The following FGF5 variants were observed in gnomAD, a reference collection of about 807,000 sequenced individuals.
FGF5 encodes the protein fibroblast growth factor 5.
Under a neutral mutation model 21.8 loss-of-function variants are expected in FGF5, and 23 were observed. That is an observed-to-expected ratio of 1.05 (90% confidence interval 0.76 to 1.49). The LOEUF (loss-of-function observed/expected upper bound fraction) is 1.49, where lower values mean the gene tolerates loss of function less well. FGF5 is among the 40% of genes most tolerant of loss of function. The pLI, the probability that FGF5 is intolerant of heterozygous loss-of-function variation, is 0.00. For synonymous variants in FGF5, 158 were observed against 124.0 expected (o/e 1.27, Z -1.82); for missense variants, 352 against 332.9 (o/e 1.06, Z -0.45).
In FGF5 at chr4:80,286,726, G is replaced by C; in HGVS notation, c.*54G>C. On this transcript the variant is annotated 3_prime_UTR_variant, in exon 3 of 3. Transcript: ENST00000312465. The stretch of plus-strand genomic sequence containing the variant: ...TCTTTCCCCTCAGGAGTTTCTATAG[G>C]TGTCTTCAGAGTTCTGAAGAAAAAT... 1 of 1,425,974 alleles carries C rather than the reference G, an allele frequency of 7.0e-7. No individual in the cohort carries two copies. 88.3% of individuals were successfully genotyped at this position (1,425,974 alleles called of 1,614,324 possible).
Position 80,266,807 on chromosome 4 carries a change from A to AC in FGF5, c.-13dup. 1 of 1,557,556 alleles carries AC rather than the reference A, an allele frequency of 6.4e-7. No individual in the cohort carries two copies. Among genetic ancestry groups the AC allele is most frequent in the Non-Finnish European group, 8.7e-7 (1 of 1,153,744 alleles). On this transcript the variant is annotated 5_prime_UTR_variant, in exon 1 of 3. Transcript: ENST00000312465. ...ATCAGCCCTACAAGATGCACTTAGGACCCCCGCGGCTGGAAGAATGAGCTT... is the reference window on the plus strand; with the variant it reads ...ATCAGCCCTACAAGATGCACTTAGGACCCCCCGCGGCTGGAAGAATGAGCTT...
chr4:80,277,305 A>G (rs1028147397), intron 2 of FGF5, among the ~76,000 whole-genome samples: 2 of 152,166 alleles, frequency 1.3e-5, no homozygotes, highest in Non-Finnish European at 2.9e-5. Flanking sequence ...CTTTGATATA[A>G]AAGTCATTCT....
At chr4:80,285,881 G>C (rs893799692) in intron 2 of FGF5, among the ~76,000 whole-genome samples, 3 of 152,016 alleles carry the variant, frequency 2.0e-5, no homozygotes, top group Non-Finnish European at 4.4e-5. Flanking sequence ...GAATAATTTT[G>C]ACCTCATTTC....
intron 1 of FGF5, among the ~76,000 whole-genome samples, chr4:80,267,676 TTGTATA>T (rs1037088326): frequency 1.3e-5 from 2 of 151,416 alleles, no homozygotes; most frequent in Non-Finnish European, 2.9e-5. Context: ...CAAATTAATA[TTGTATA>T]TGTATATGTA....
intron 2 of FGF5, among the ~76,000 whole-genome samples, chr4:80,284,328 G>T (rs1720647981): frequency 6.6e-6 from 1 of 152,186 alleles, no homozygotes; most frequent in Non-Finnish European, 1.5e-5. Context: ...CAGCTACTCA[G>T]GAGGCTGAAG....
chr4:80,285,346 C>T (rs1360713641), intron 2 of FGF5, among the ~76,000 whole-genome samples: 1 of 152,200 alleles, frequency 6.6e-6, no homozygotes, highest in African/African-American at 2.4e-5. Context: ...TTGAAAGTGT[C>T]ATGTTGACCT....
chr4:80,290,941 T>G lies in FGF5; in HGVS notation c.*4269T>G, dbSNP rs1322874777. ...ATTTTCTTAATCCAGTCTATCATTG[T>G]TGGACATTTGGGTTGGTTCCAAGTC... On this transcript the variant is annotated 3_prime_UTR_variant, in exon 3 of 3. Transcript: ENST00000312465. 6.6e-6 allele frequency: 1 copy of G among 152,176 alleles called. No individual in the cohort carries two copies. The highest frequency in any genetic ancestry group is 1.5e-5 in the Non-Finnish European group (1 of 68,016). 9.4% of individuals were successfully genotyped at this position (152,176 alleles called of 1,614,324 possible).
In FGF5 at chr4:80,287,597, G is replaced by A. The variant is rs1415405917; in HGVS notation, c.*925G>A. 1 of 152,108 alleles carries A rather than the reference G, an allele frequency of 6.6e-6. No individual in the cohort carries two copies. The highest frequency in any genetic ancestry group is 1.5e-5 in the Non-Finnish European group (1 of 68,034). The allele number at this position is 152,108 out of a possible 1,614,324, so 9.4% of individuals were successfully genotyped here. A position where few individuals can be genotyped will look rare whatever the true frequency, so the allele number is the denominator to read the frequency against. ...TCCCCCTTGCCCTCATTCTTGAACA[G>A]CTGGAGGAATACATTTTATTCTGTC... is the stretch of plus-strand genomic sequence containing the variant. On this transcript the variant is annotated 3_prime_UTR_variant, in exon 3 of 3. Transcript: ENST00000312465.
At chr4:80,276,688 C>T (rs1278544705) in intron 2 of FGF5, among the ~76,000 whole-genome samples, 1 of 150,282 alleles carries the variant, frequency 6.7e-6, no homozygotes, top group African/African-American at 2.4e-5. Flanking sequence ...GTATCATTCT[C>T]AGGGCATTTA....
chr4:80,268,309 G>A (rs762453238), intron 1 of FGF5: 14 of 204,524 alleles, frequency 6.8e-5, no homozygotes, highest in South Asian at 3.4e-4. Context: ...TGGTCCACCA[G>A]GCAGAGCCCC....
rs1215715192 is a variant in FGF5 at position 80,282,183 on chromosome 4, A to G, written c.460-4142A>G. ...CACCATGTTGGTCAGGCTGGTCTCG[A>G]ACTCCTGACCTCAAAAGATCCACCC... On this transcript the variant is annotated intron_variant, in intron 2 of 2. Coordinates refer to ENST00000312465, the MANE Select transcript of FGF5 (RefSeq NM_004464.4). 5.9e-5 allele frequency among the ~76,000 whole-genome samples: 9 copies of G among 152,182 alleles called. No individual in the cohort carries two copies. In the East Asian group the frequency reaches 1.7e-3, roughly 29 times the overall value.
Position 80,286,583 on chromosome 4 carries a change from C to T in FGF5, c.718C>T (p.Pro240Ser), listed in dbSNP as rs141185778. ...TVTVPEKKKP[P>S]SPIKPKIPLS... ...TACTGTTCCTGAAAAGAAAAAGCCA[C>T]CTAGCCCTATCAAGCCAAAGATTCC... is the stretch of plus-strand genomic sequence containing the variant. The change falls in exon 3 of 3, where the codon CCT (proline) becomes TCT (serine). Residue 240 changes from proline (P) to serine (S), a missense_variant. Physicochemically the swap from Pro to Ser is moderately conservative, Grantham distance 74. Coordinates refer to ENST00000312465, the MANE Select transcript of FGF5 (RefSeq NM_004464.4). The T allele has an allele frequency of 1.5e-5, 25 of 1,614,032 alleles. No individual in the cohort carries two copies. In the African/African-American group the frequency reaches 3.1e-4, roughly 20 times the overall value.
In FGF5 at chr4:80,289,889, TTC is replaced by T. The variant is rs1359868621; in HGVS notation, c.*3219_*3220del. Reference sequence around the variant, plus strand: ...ACATATATAAAACTAAGGCTTTTATTTCTGTTATTTTTAAGCTTTTATTTCTT... The same window carrying T: ...ACATATATAAAACTAAGGCTTTTATTTGTTATTTTTAAGCTTTTATTTCTT... On this transcript the variant is annotated 3_prime_UTR_variant, in exon 3 of 3. Coordinates refer to ENST00000312465, the MANE Select transcript of FGF5 (RefSeq NM_004464.4). The T allele has an allele frequency of 3.3e-5, 5 of 152,166 alleles. No individual in the cohort carries two copies. Among genetic ancestry groups the T allele is most frequent in the African/African-American group, 9.6e-5 (4 of 41,456 alleles). 9.4% of individuals were successfully genotyped at this position (152,166 alleles called of 1,614,324 possible). A position where few individuals can be genotyped will look rare whatever the true frequency, so the allele number is the denominator to read the frequency against.
chr4:80,282,817 CA>C (rs1190986334), intron 2 of FGF5, among the ~76,000 whole-genome samples: 2 of 151,592 alleles, frequency 1.3e-5, no homozygotes, highest in African/African-American at 4.9e-5. Flanking sequence ...GGAGTTCTAT[CA>C]TTTTAAAAGT....
rs1478248109 is a variant in FGF5, at chr4:80,287,409, TG to T, written c.*739del. ...GACATTATGTGGAATCCTAAACCTT[TG>T]GTGGCTGGGATATGATGGGTTAGAA... On this transcript the variant is annotated 3_prime_UTR_variant, in exon 3 of 3. Coordinates refer to ENST00000312465, the MANE Select transcript of FGF5 (RefSeq NM_004464.4). 6.6e-6 allele frequency: 1 copy of T among 152,194 alleles called. No homozygotes were observed. Among genetic ancestry groups the T allele is most frequent in the Non-Finnish European group, 1.5e-5 (1 of 68,018 alleles). 9.4% of individuals were successfully genotyped at this position (152,194 alleles called of 1,614,324 possible).
intron 1 of FGF5, among the ~76,000 whole-genome samples, chr4:80,269,598 TG>T (rs2109916871): frequency 6.6e-6 from 1 of 152,330 alleles, no homozygotes; most frequent in African/African-American, 2.4e-5. Flanking sequence ...CCTAAAACAG[TG>T]CCGACAAAAA....
In FGF5 at chr4:80,290,045, C is replaced by T. The variant is rs879211662; in HGVS notation, c.*3373C>T. The T allele has an allele frequency of 1.3e-5, 2 of 152,176 alleles. No individual in the cohort carries two copies. The highest frequency in any genetic ancestry group is 4.2e-4 in the South Asian group (2 of 4,816). 9.4% of individuals were successfully genotyped at this position (152,176 alleles called of 1,614,324 possible). ...CTTCCATAGAAGGGAGGGAATAAAT[C>T]ATGACTTATCCCATTTTCAATAACA... On this transcript the variant is annotated 3_prime_UTR_variant, in exon 3 of 3. Transcript: ENST00000312465.
rs199904159 is a variant in FGF5 at position 80,286,623 on chromosome 4, G to A, written c.758G>A (p.Arg253Gln). The change falls in exon 3 of 3, where the codon CGG (arginine) becomes CAG (glutamine). Residue 253 changes from arginine to glutamine, a missense_variant. Physicochemically the swap from Arg to Gln is conservative, Grantham distance 43. Transcript: ENST00000312465. Reference sequence around the variant, plus strand: ...CCAAAGATTCCCCTTTCTGCACCTCGGAAAAATACCAACTCAGTGAAATAC... The same window carrying A: ...CCAAAGATTCCCCTTTCTGCACCTCAGAAAAATACCAACTCAGTGAAATAC... Reference protein sequence around the residue: ...IKPKIPLSAPRKNTNSVKYRL... With the variant: ...IKPKIPLSAPQKNTNSVKYRL... The A allele has an allele frequency of 1.2e-6, 2 of 1,613,900 alleles. No homozygotes were observed. The highest frequency in any genetic ancestry group is 1.7e-6 in the Non-Finnish European group (2 of 1,179,918).
chr4:80,286,470 G>T lies in FGF5; in HGVS notation c.605G>T (p.Cys202Phe), dbSNP rs928349231. Reference sequence around the variant, plus strand: ...AAAAGAGGAAAAGCCAAACGAGGGTGCAGCCCCCGGGTTAAACCCCAGCAT... The same window carrying T: ...AAAAGAGGAAAAGCCAAACGAGGGTTCAGCCCCCGGGTTAAACCCCAGCAT... ...LNKRGKAKRG[C>F]SPRVKPQHIS... The change falls in exon 3 of 3, where the codon TGC becomes TTC. Residue 202 changes from cysteine to phenylalanine, a missense_variant. Cys to Phe is a radical substitution (Grantham distance 205). Transcript: ENST00000312465. The T allele has an allele frequency of 1.4e-5, 22 of 1,614,064 alleles. No homozygotes were observed. Among genetic ancestry groups the T allele is most frequent in the Non-Finnish European group, 1.9e-5 (22 of 1,179,988 alleles).
Sources: allele counts gnomAD v4.1 joint callset (sites outside exome capture counted in the v4.1 genomes callset), GRCh38; gene constraint gnomAD v4.1.1; transcripts MANE v1.5; gene names NCBI Gene and HGNC (gene_info 2026-07-23, HGNC 2026-07-21).